Variants in MTOR observed in about 807,000 individuals in gnomAD.
The protein encoded by MTOR is mechanistic target of rapamycin kinase.
Under a neutral mutation model 319.8 loss-of-function variants are expected in MTOR, and 70 were observed. The observed-to-expected ratio is 0.22, with a 90% CI of 0.18 to 0.27. The LOEUF is 0.27. MTOR is among the 10% of genes least tolerant of loss of function. The pLI is 1.00. For missense variants in MTOR, 1,890 were observed against 3,274.4 expected, an observed-to-expected ratio of 0.58 and a Z score of 10.32; for synonymous variants, 1,183 against 1,211.4, an observed-to-expected ratio of 0.98 and a Z score of 0.49.
chr1:11,262,233 G>C (rs549685933), intron 1 of MTOR, among the ~76,000 whole-genome samples: 2 of 152,240 alleles, frequency 1.3e-5, no homozygotes, highest in Non-Finnish European at 2.9e-5. Flanking sequence ...GCGGGCCGAA[G>C]GGTCCAGGGG....
At chr1:11,157,946 T>G (rs1459898471) in intron 29 of MTOR, among the ~76,000 whole-genome samples, 1 of 152,188 alleles carries the variant, frequency 6.6e-6, no homozygotes, top group Non-Finnish European at 1.5e-5. Flanking sequence ...TGTTCCCTCC[T>G]GCTCAGTGCT....
In MTOR at chr1:11,129,922, C is replaced by T; in HGVS notation, c.5614-84G>A. 2 of 1,159,770 alleles carry T rather than the reference C, an allele frequency of 1.7e-6. No individual in the cohort carries two copies. The highest frequency in any genetic ancestry group is 2.0e-4 in the Middle Eastern group (1 of 5,110). 71.8% of individuals were successfully genotyped at this position (1,159,770 alleles called of 1,614,324 possible). On this transcript the variant is annotated intron_variant, in intron 39 of 57. Transcript: ENST00000361445. This position sits in a 1 kb window ranked among gnomAD's most constrained non-coding sequence, Gnocchi z 4.7. ...GGGCATAAGAGCATACTAACTGTAC[C>T]TACTTCAAAGGGTGGTTATAACAAT...
chr1:11,236,326 G>A (rs1025144721), intron 13 of MTOR, among the ~76,000 whole-genome samples: 8 of 152,016 alleles, frequency 5.3e-5, no homozygotes, highest in East Asian at 2.0e-4. Context: ...TTGTAGAGAC[G>A]TGGTTTGTCA....
In MTOR at chr1:11,159,290, T is replaced by C. The variant is rs530023584; in HGVS notation, c.4330-1999A>G. 8.5e-5 allele frequency among the ~76,000 whole-genome samples: 13 copies of C among 152,320 alleles called. No individual in the cohort carries two copies. The East Asian group carries it at 2.1e-3, about 25-fold the overall frequency. On this transcript the variant is annotated intron_variant, in intron 29 of 57. Transcript: ENST00000361445. ...AGGATTGTGGCAAGGATGGATGAGATACAGTTCTTTCACTTTGCCATCATC... is the reference window on the plus strand; with the variant it reads ...AGGATTGTGGCAAGGATGGATGAGACACAGTTCTTTCACTTTGCCATCATC...
rs2100909242 is a variant in MTOR, at chr1:11,240,326, G to A, written c.1763C>T (p.Thr588Met). The A allele has an allele frequency of 1.3e-6, 2 of 1,579,058 alleles. No homozygotes were observed. Among genetic ancestry groups the A allele is most frequent in the Non-Finnish European group, 1.7e-6 (2 of 1,161,472 alleles). Residue 588 changes from threonine (T) to methionine (M), a missense_variant, in exon 11 of 58, where the codon ACG becomes ATG. Transcript: ENST00000361445. The part of the protein sequence containing the change: ...DVGSITLALR[T>M]LGSFEFEGHS... ...ACCTTCAAATTCAAAGCTGCCAAGC[G>A]TTCGGAGGGCAAGAGTGATGCTGCC...
At chr1:11,114,661 G>C in intron 52 of MTOR, 152 bp downstream of exon 52, 1 of 1,008,282 alleles carries the variant, frequency 9.9e-7, no homozygotes, top group Non-Finnish European at 1.5e-6. Flanking sequence ...TCATAGATAG[G>C]TCATTTCTAA....
In MTOR at chr1:11,147,620, C is replaced by T. The variant is rs533423888; in HGVS notation, c.4571-829G>A. 4.6e-5 allele frequency among the ~76,000 whole-genome samples: 7 copies of T among 152,340 alleles called. No individual in the cohort carries two copies. The South Asian group carries it at 1.5e-3, about 32-fold the overall frequency. ...AAGCAAATAGCTAACAATGACTCCTCAGGAAGCAATTTGTTTTTGAAAAAT... is the reference window on the plus strand; with the variant it reads ...AAGCAAATAGCTAACAATGACTCCTTAGGAAGCAATTTGTTTTTGAAAAAT... On this transcript the variant is annotated intron_variant, in intron 31 of 57. Coordinates refer to ENST00000361445, the MANE Select transcript of MTOR (RefSeq NM_004958.4).
At chr1:11,242,587 G>A (rs1648216962) in intron 9 of MTOR, among the ~76,000 whole-genome samples, 1 of 144,876 alleles carries the variant, frequency 6.9e-6, no homozygotes, top group African/African-American at 2.5e-5. Context: ...GAAGTATAAA[G>A]ACAACCTGAG....
At chr1:11,245,553 C>A (rs1210508203) in intron 8 of MTOR, among the ~76,000 whole-genome samples, 2 of 152,064 alleles carry the variant, frequency 1.3e-5, no homozygotes, top group Non-Finnish European at 2.9e-5. Context: ...AGTGGGTCAA[C>A]AAGAAAAACT....
chr1:11,247,727 G>A lies in MTOR; in HGVS notation c.1123C>T (p.Gln375Ter). The change falls in exon 8 of 58, where the codon CAG becomes TAG. Residue 375 changes from glutamine (Q) to a stop codon, truncating the protein, a stop_gained. Coordinates refer to ENST00000361445, the MANE Select transcript of MTOR (RefSeq NM_004958.4). LOFTEE classifies it high-confidence loss of function. ...CTATTCCTGCATTTCAGCACCCACT[G>A]GCACACCTGAGAGAGGAAGGATAAA... The part of the protein sequence containing the change: ...LMEEKFDQVC[Q>*]WVLKCRNSKN... 1 of 1,614,158 alleles carries A rather than the reference G, an allele frequency of 6.2e-7. No homozygotes were observed. Among genetic ancestry groups the A allele is most frequent in the Non-Finnish European group, 8.5e-7 (1 of 1,180,030 alleles).
chr1:11,189,370 G>A (rs1645430852), intron 28 of MTOR: 1 of 606,148 alleles, frequency 1.6e-6, no homozygotes, highest in East Asian at 2.9e-5. Context: ...TGGAAGGAAA[G>A]CTATAGGCTA....
At position 11,214,562 on chromosome 1, in the gene MTOR, T is replaced by G. The variant is rs1646409216; in HGVS notation, c.3118-996A>C. Among the ~76,000 whole-genome samples, 4 of 152,202 alleles carry G rather than the reference T, an allele frequency of 2.6e-5. No individual in the cohort carries two copies. The South Asian group carries it at 8.3e-4, about 31-fold the overall frequency. On this transcript the variant is annotated intron_variant, in intron 20 of 57. Transcript: ENST00000361445. ...AATATTCTTGGAGCCTCTAAATAGT[T>G]CAAAGTAGAAGTCCATAACAACAAG...
chr1:11,114,518 G>A (rs768187645), intron 52 of MTOR, 65 bp from the exon 53 acceptor site: 18 of 1,602,886 alleles, frequency 1.1e-5, no homozygotes, highest in Non-Finnish European at 1.4e-5. Flanking sequence ...CAAGCCGAGG[G>A]GGTCTGTTAC....
At chr1:11,224,546 T>C (rs563150287) in intron 19 of MTOR, among the ~76,000 whole-genome samples, 1 of 152,262 alleles carries the variant, frequency 6.6e-6, no homozygotes, top group Admixed American at 6.5e-5. Context: ...ACAAAAGATT[T>C]GAACACAATA....
chr1:11,160,123 A>G (rs6691831), intron 29 of MTOR, among the ~76,000 whole-genome samples: 54,628 of 112,294 alleles, frequency 0.49, 11,438 homozygotes, highest in African/African-American at 0.65. Context: ...ATTTTGAGGC[A>G]GAGTTTCGCT....
Position 11,115,557 on chromosome 1 carries a change from T to G in MTOR, c.7017-89A>C. On this transcript the variant is annotated intron_variant, in intron 50 of 57. Transcript: ENST00000361445. The surrounding 1 kb of genome is among the most constrained non-coding windows in gnomAD (Gnocchi z 4.5). ...AGTACGTGATACTGTAAGCTAGGAG[T>G]TGGCAAACGATAGCCCTCAGCCAAT... is the stretch of plus-strand genomic sequence containing the variant. 1 of 1,297,786 alleles carries G rather than the reference T, an allele frequency of 7.7e-7. No individual in the cohort carries two copies. Among genetic ancestry groups the G allele is most frequent in the South Asian group, 1.2e-5 (1 of 83,092 alleles). 80.4% of individuals were successfully genotyped at this position (1,297,786 alleles called of 1,614,324 possible).
At chr1:11,184,894 G>GC (rs1258926333) in intron 28 of MTOR, among the ~76,000 whole-genome samples, 1 of 152,134 alleles carries the variant, frequency 6.6e-6, no homozygotes. Flanking sequence ...CCCGGGCACG[G>GC]CCCCCCTCCA....
intron 28 of MTOR, among the ~76,000 whole-genome samples, chr1:11,182,573 T>A (rs891997402): frequency 1.3e-5 from 2 of 152,168 alleles, no homozygotes; most frequent in Admixed American, 6.5e-5. Context: ...AGTGAAGACA[T>A]CTTTGTAATT....
At chr1:11,145,167 AT>A (rs1403055049) in intron 32 of MTOR, 122 bp from the exon 33 acceptor site, 2 of 844,442 alleles carry the variant, frequency 2.4e-6, no homozygotes, top group East Asian at 4.9e-5. Flanking sequence ...GAAAAGAGAA[AT>A]TCGCTGAAGA....
Sources: allele counts gnomAD v4.1 joint callset (sites outside exome capture counted in the v4.1 genomes callset), GRCh38; gene constraint gnomAD v4.1.1; non-coding constraint Gnocchi (gnomAD v3.1); transcripts MANE v1.5; gene names NCBI Gene and HGNC (gene_info 2026-07-23, HGNC 2026-07-21).